MT1X: variants seen among roughly 807,000 people sequenced by gnomAD.
The protein encoded by MT1X is metallothionein-1X.
MT1X carries 7 observed loss-of-function variants against 8.6 expected under a neutral mutation model. The ratio of observed to expected loss-of-function variants is 0.81; its 90% CI spans 0.46 to 1.52. The LOEUF (loss-of-function observed/expected upper bound fraction) is 1.52. Among genes scored for constraint, MT1X ranks in the 40% most tolerant of loss-of-function variants. The pLI is 0.01. For missense variants in MT1X, 72 were observed against 74.3 expected (o/e 0.97, Z 0.11); for synonymous variants, 25 against 27.6 (o/e 0.91, Z 0.30).
chr16:56,684,059 A>G lies in MT1X; in HGVS notation c.*10A>G, dbSNP rs1008450352. 4.3e-6 allele frequency: 7 copies of G among 1,611,844 alleles called. No individual in the cohort carries two copies. Among genetic ancestry groups the G allele is most frequent in the Non-Finnish European group, 5.9e-6 (7 of 1,179,532 alleles). On this transcript the variant is annotated 3_prime_UTR_variant, in exon 3 of 3. Coordinates refer to ENST00000394485, the MANE Select transcript of MT1X (RefSeq NM_005952.4). Reference sequence around the variant, plus strand: ...CAGCTGCTGTGCCTGATGCCAGGACAGCTGTGCTCTCAGATGTAAATAGAG... The same window carrying G: ...CAGCTGCTGTGCCTGATGCCAGGACGGCTGTGCTCTCAGATGTAAATAGAG...
chr16:56,682,528 T>C lies in MT1X; in HGVS notation c.-13T>C, dbSNP rs1446288948. 6.2e-7 allele frequency: 1 copy of C among 1,614,064 alleles called. No homozygotes were observed. The highest frequency in any genetic ancestry group is 8.5e-7 in the Non-Finnish European group (1 of 1,180,026). On this transcript the variant is annotated 5_prime_UTR_variant, in exon 1 of 3. Coordinates refer to ENST00000394485, the MANE Select transcript of MT1X (RefSeq NM_005952.4). Reference sequence around the variant, plus strand: ...CCTCTTGATCGGGAACTCCTGCTTCTCCTTGCCTCGAAATGGACCCCAACT... The same window carrying C: ...CCTCTTGATCGGGAACTCCTGCTTCCCCTTGCCTCGAAATGGACCCCAACT...
In MT1X at chr16:56,683,882, G is replaced by A. The variant is rs1375249325; in HGVS notation, c.95-76G>A. ...TCCTCTGGGGCTGGAGGCAGGGCTC[G>A]AGCCAGGCCTCTGTTGGGGCAGGGA... On this transcript the variant is annotated intron_variant, in intron 2 of 2. Transcript: ENST00000394485. 9.4e-6 allele frequency: 15 copies of A among 1,594,508 alleles called. No individual in the cohort carries two copies. In the Admixed American group the frequency reaches 1.1e-4, roughly 11 times the overall value.
intron 2 of MT1X, 28 bp downstream of exon 2, chr16:56,683,258 T>C (rs1567358485): frequency 1.2e-6 from 2 of 1,613,084 alleles, no homozygotes. Flanking sequence ...CCTGCGAATC[T>C]GGGGGATGGG....
intron 2 of MT1X, chr16:56,683,591 C>T (rs919601198): frequency 1.4e-4 from 54 of 391,500 alleles, no homozygotes; most frequent in African/African-American, 1.0e-3. Context: ...TCCTTTCCTG[C>T]AGGGGTAGCC....
At position 56,683,586 on chromosome 16, in the gene MT1X, T is replaced by C. The variant is rs1039401762; in HGVS notation, c.94+356T>C. The C allele has an allele frequency of 2.1e-5, 8 of 388,472 alleles. No homozygotes were observed. The Admixed American group carries it at 2.9e-4, about 14-fold the overall frequency. The allele number at this position is 388,472 out of a possible 1,614,324, so 24.1% of individuals were successfully genotyped here. ...TTTCAAACCTAATGATCCAGTCCTT[T>C]CCTGCAGGGGTAGCCCAGAGCTTCC... On this transcript the variant is annotated intron_variant, in intron 2 of 2. Coordinates refer to ENST00000394485, the MANE Select transcript of MT1X (RefSeq NM_005952.4).
intron 2 of MT1X, 157 bp from the exon 3 acceptor site, chr16:56,683,801 A>G: frequency 8.9e-7 from 1 of 1,118,514 alleles, no homozygotes; most frequent in Non-Finnish European, 1.3e-6. Flanking sequence ...TAAAACCCTC[A>G]TCCCAAAGAT....
Position 56,684,103 on chromosome 16 carries a change from ATTTT to A in MT1X, c.*71_*74del, listed in dbSNP as rs34700091. ...AATAGAGCAACCTATATAAACCTGG[ATTTT>A]TTTTTTTTTTTTTTTTGTACAACCC... On this transcript the variant is annotated 3_prime_UTR_variant, in exon 3 of 3. Transcript: ENST00000394485. The A allele has an allele frequency of 1.6e-3, 2,040 of 1,268,586 alleles. No individual in the cohort carries two copies. The highest frequency in any genetic ancestry group is 2.7e-3 in the East Asian group (101 of 37,724). 78.6% of individuals were successfully genotyped at this position (1,268,586 alleles called of 1,614,324 possible).
At position 56,682,520 on chromosome 16, in the gene MT1X, C is replaced by A. The variant is rs575561114; in HGVS notation, c.-21C>A. The A allele has an allele frequency of 1.2e-6, 2 of 1,614,194 alleles. No homozygotes were observed. The highest frequency in any genetic ancestry group is 4.5e-5 in the East Asian group (2 of 44,888). ...CGTGTTTTCCTCTTGATCGGGAACTCCTGCTTCTCCTTGCCTCGAAATGGA... is the reference window on the plus strand; with the variant it reads ...CGTGTTTTCCTCTTGATCGGGAACTACTGCTTCTCCTTGCCTCGAAATGGA... On this transcript the variant is annotated 5_prime_UTR_variant, in exon 1 of 3. Transcript: ENST00000394485.
Position 56,684,102 on chromosome 16 carries a change from G to GTT in MT1X, c.*53_*54insTT. 4.2e-6 allele frequency: 6 copies of GTT among 1,437,580 alleles called. No homozygotes were observed. Among genetic ancestry groups the GTT allele is most frequent in the Non-Finnish European group, 5.6e-6 (6 of 1,072,848 alleles). 89.1% of individuals were successfully genotyped at this position (1,437,580 alleles called of 1,614,324 possible). On this transcript the variant is annotated 3_prime_UTR_variant, in exon 3 of 3. Coordinates refer to ENST00000394485, the MANE Select transcript of MT1X (RefSeq NM_005952.4). ...AAATAGAGCAACCTATATAAACCTG[G>GTT]ATTTTTTTTTTTTTTTTTTTTGTAC...
At position 56,684,157 on chromosome 16, in the gene MT1X, T is replaced by G. The variant is rs1190635177; in HGVS notation, c.*108T>G. 7 of 1,335,752 alleles carry G rather than the reference T, an allele frequency of 5.2e-6. No homozygotes were observed. Among genetic ancestry groups the G allele is most frequent in the Non-Finnish European group, 7.1e-6 (7 of 983,716 alleles). 82.7% of individuals were successfully genotyped at this position (1,335,752 alleles called of 1,614,324 possible). On this transcript the variant is annotated 3_prime_UTR_variant, in exon 3 of 3. Coordinates refer to ENST00000394485, the MANE Select transcript of MT1X (RefSeq NM_005952.4). ...CTGACCCGTTTGCTACATCTTTTTT[T>G]CTATGAAATATGTGAATGGCAATAA...
chr16:56,683,330 C>G (rs995818066), intron 2 of MT1X, 100 bp downstream of exon 2: 1 of 1,383,946 alleles, frequency 7.2e-7, no homozygotes, highest in Non-Finnish European at 1.0e-6. Flanking sequence ...CCAGCTTCCC[C>G]AAACCCCTCC....
At chr16:56,683,758 C>A in intron 2 of MT1X, 200 bp from the exon 3 acceptor site, 1 of 735,092 alleles carries the variant, frequency 1.4e-6, no homozygotes, top group Non-Finnish European at 2.2e-6. Flanking sequence ...TGTCCTGTCC[C>A]AGACTCAGGT....
At chr16:56,683,060 G>A (rs1403922158) in intron 1 of MT1X, 105 bp from the exon 2 acceptor site, 1 of 1,356,258 alleles carries the variant, frequency 7.4e-7, no homozygotes, top group Non-Finnish European at 1.0e-6. Flanking sequence ...GAGCTCTGGG[G>A]GCTGGTCCTT....
intron 2 of MT1X, chr16:56,683,700 T>C: frequency 2.0e-6 from 1 of 510,630 alleles, no homozygotes; most frequent in Non-Finnish European, 3.4e-6. Flanking sequence ...TTTGGGGAAC[T>C]GGCCTCCTTT....
At position 56,682,524 on chromosome 16, in the gene MT1X, C is replaced by A. The variant is rs1961013445; in HGVS notation, c.-17C>A. ...TTTTCCTCTTGATCGGGAACTCCTG[C>A]TTCTCCTTGCCTCGAAATGGACCCC... On this transcript the variant is annotated 5_prime_UTR_variant, in exon 1 of 3. Transcript: ENST00000394485. 6.2e-7 allele frequency: 1 copy of A among 1,614,094 alleles called. No individual in the cohort carries two copies. Among genetic ancestry groups the A allele is most frequent in the Admixed American group, 1.7e-5 (1 of 60,012 alleles).
At chr16:56,682,613 C>A (rs372899137) in intron 1 of MT1X, 45 bp downstream of exon 1, 15 of 1,611,336 alleles carry the variant, frequency 9.3e-6, no homozygotes, top group African/African-American at 1.3e-5. Flanking sequence ...CGTTTCCCAG[C>A]CACAGTACAG....
At position 56,682,838 on chromosome 16, in the gene MT1X, C is replaced by T. The variant is rs75022834; in HGVS notation, c.28+270C>T. 1.7e-3 allele frequency: 1,003 copies of T among 597,114 alleles called. 6 individuals carry two copies. In the African/African-American group the frequency reaches 0.017, roughly 10 times the overall value. 37.0% of individuals were successfully genotyped at this position (597,114 alleles called of 1,614,324 possible). The stretch of plus-strand genomic sequence containing the variant: ...GCTGGCTGAGCCCCAATGCTCTGAC[C>T]AGGCTCTGAGCAGTCAGGGTGGATG... On this transcript the variant is annotated intron_variant, in intron 1 of 2. Transcript: ENST00000394485.
In MT1X at chr16:56,682,562, TCG is replaced by T. The variant is rs1197376236; in HGVS notation, c.24_25del (p.Pro9CysfsTer63). 1 of 1,614,244 alleles carries T rather than the reference TCG, an allele frequency of 6.2e-7. No individual in the cohort carries two copies. Among genetic ancestry groups the T allele is most frequent in the Admixed American group, 1.7e-5 (1 of 60,034 alleles). MDPNCSC[S>X]PVGSCACAGS... is the part of the protein sequence containing the mutation. ...CGAAATGGACCCCAACTGCTCCTGC[TCG>T]CCTGGTAAGGGACACCTAGCTCCGC... On this transcript the variant is annotated frameshift_variant, in exon 1 of 3. Coordinates refer to ENST00000394485, the MANE Select transcript of MT1X (RefSeq NM_005952.4). LOFTEE classifies it high-confidence loss of function.
At chr16:56,683,057 G>A in intron 1 of MT1X, 108 bp from the exon 2 acceptor site, 1 of 1,336,562 alleles carries the variant, frequency 7.5e-7, no homozygotes. Flanking sequence ...AAGGAGCTCT[G>A]GGGGCTGGTC....
Sources: gnomAD v4.1 joint callset for allele counts on GRCh38, gnomAD v4.1.1 for gene constraint, MANE v1.5 for transcripts, NCBI Gene and HGNC (gene_info 2026-07-23, HGNC 2026-07-21) for gene names.